The following PIKFYVE variants were observed in gnomAD, a reference collection of about 807,000 sequenced individuals.
PIKFYVE encodes 1-phosphatidylinositol 3-phosphate 5-kinase.
PIKFYVE carries 122 observed loss-of-function variants against 257.9 expected under a neutral mutation model. That is an observed-to-expected ratio of 0.47 (90% CI 0.41 to 0.55). The LOEUF (loss-of-function observed/expected upper bound fraction) is 0.55, where lower values mean the gene tolerates loss of function less well. Among genes scored for constraint, PIKFYVE ranks in the 20% least tolerant of loss-of-function variants. The pLI is 0.00. For synonymous variants in PIKFYVE, 892 were observed against 868.9 expected (o/e 1.03, Z -0.47); for missense variants, 2,160 against 2,536.6 (o/e 0.85, Z 3.19).
intron 32 of PIKFYVE, among the ~76,000 whole-genome samples, chr2:208,344,030 G>A (rs1354902607): frequency 6.6e-6 from 1 of 151,766 alleles, no homozygotes; most frequent in East Asian, 1.9e-4. Context: ...ATGTTGGCCG[G>A]GATGGTCTCC....
At chr2:208,301,151 A>G in intron 9 of PIKFYVE, 57 bp downstream of exon 9, 1 of 1,587,622 alleles carries the variant, frequency 6.3e-7, no homozygotes. Flanking sequence ...GAGAAAACAT[A>G]TTTGAAGATA....
chr2:208,285,891 C>A lies in PIKFYVE; in HGVS notation c.779C>A (p.Ala260Asp), dbSNP rs371111602. 6.2e-7 allele frequency: 1 copy of A among 1,614,084 alleles called. No homozygotes were observed. Among genetic ancestry groups the A allele is most frequent in the Non-Finnish European group, 8.5e-7 (1 of 1,180,026 alleles). ...EPRTPVGSRK[A>D]SRNIFLEDDL... Reference sequence around the variant, plus strand: ...CGAACACCTGTTGGGAGTAGGAAAGCCAGCCGTAACATATTTTTAGAGGAT... The same window carrying A: ...CGAACACCTGTTGGGAGTAGGAAAGACAGCCGTAACATATTTTTAGAGGAT... Residue 260 changes from alanine to aspartate, a missense_variant, in exon 6 of 42, where the codon GCC becomes GAC. Around this residue, in one of 12 missense-constraint regions of PIKFYVE, gnomAD observed 187 missense variants for 185.6 expected, o/e 1.01. Coordinates refer to ENST00000264380, the MANE Select transcript of PIKFYVE (RefSeq NM_015040.4).
rs1195490193 is a variant in PIKFYVE, at chr2:208,350,860, G to A, written c.5524G>A (p.Glu1842Lys). Reference sequence around the variant, plus strand: ...GCGTGAAGTGATTCTGGACAGCAGTGAAGAAGATTTCATTCGTTCCCTCTC... The same window carrying A: ...GCGTGAAGTGATTCTGGACAGCAGTAAAGAAGATTTCATTCGTTCCCTCTC... ...KMREVILDSS[E>K]EDFIRSLSHS... is the part of the protein sequence containing the mutation. Residue 1842 changes from glutamate (E) to lysine (K), a missense_variant, in exon 37 of 42, where the codon GAA (glutamate) becomes AAA (lysine). By Grantham distance (56) the Glu-to-Lys change is moderately conservative. Transcript: ENST00000264380. The A allele has an allele frequency of 6.2e-7, 1 of 1,614,046 alleles. No individual in the cohort carries two copies. The highest frequency in any genetic ancestry group is 1.3e-5 in the African/African-American group (1 of 74,924).
In PIKFYVE at chr2:208,285,886, G is replaced by A. The variant is rs1574453886; in HGVS notation, c.774G>A (p.Arg258=). ...AACCCCGAACACCTGTTGGGAGTAG[G>A]AAAGCCAGCCGTAACATATTTTTAG... ...PSEPRTPVGS[R]KASRNIFLED... is the part of the protein sequence containing the mutation. The change falls in exon 6 of 42, where the codon AGG becomes AGA. Residue 258 remains arginine (R), a synonymous_variant. Transcript: ENST00000264380. 1 of 1,614,108 alleles carries A rather than the reference G, an allele frequency of 6.2e-7. No individual in the cohort carries two copies. The highest frequency in any genetic ancestry group is 1.1e-5 in the South Asian group (1 of 91,088).
In PIKFYVE at chr2:208,355,438, T is replaced by C; in HGVS notation, c.*133T>C. 1.4e-6 allele frequency: 1 copy of C among 697,488 alleles called. No individual in the cohort carries two copies. Among genetic ancestry groups the C allele is most frequent in the Non-Finnish European group, 2.4e-6 (1 of 408,556 alleles). The allele number at this position is 697,488 out of a possible 1,614,324, so 43.2% of individuals were successfully genotyped here. A position where few individuals can be genotyped will look rare whatever the true frequency, so the allele number is the denominator to read the frequency against. On this transcript the variant is annotated 3_prime_UTR_variant, in exon 42 of 42. Coordinates refer to ENST00000264380, the MANE Select transcript of PIKFYVE (RefSeq NM_015040.4). Reference sequence around the variant, plus strand: ...CAAGGCTTTTCAGTTCTGTGGCTGTTTAGACTGTCCGTAATGGAATGGTAA... The same window carrying C: ...CAAGGCTTTTCAGTTCTGTGGCTGTCTAGACTGTCCGTAATGGAATGGTAA...
chr2:208,305,059 T>A, intron 12 of PIKFYVE, 46 bp downstream of exon 12: 2 of 1,611,918 alleles, frequency 1.2e-6, no homozygotes, highest in Non-Finnish European at 1.7e-6. Flanking sequence ...GCTGGACAGC[T>A]GGGCCATAGG....
At chr2:208,339,915 T>C in intron 30 of PIKFYVE, 96 bp from the exon 31 acceptor site, 2 of 1,356,212 alleles carry the variant, frequency 1.5e-6, no homozygotes, top group East Asian at 2.5e-5. Context: ...AGTATACATA[T>C]GTCCATATTC....
intron 12 of PIKFYVE, among the ~76,000 whole-genome samples, chr2:208,308,709 G>GT (rs34169884): frequency 0.69 from 96,891 of 140,420 alleles, 35,564 homozygotes; most frequent in East Asian, 0.91. Context: ...CTAGTAGTTG[G>GT]TTTTTTTTTT....
At chr2:208,307,421 G>A (rs1376918304) in intron 12 of PIKFYVE, among the ~76,000 whole-genome samples, 1 of 152,134 alleles carries the variant, frequency 6.6e-6, no homozygotes, top group African/African-American at 2.4e-5. Context: ...GAGAATTAAT[G>A]GTTTTTTAAA....
chr2:208,271,639 C>T lies in PIKFYVE; in HGVS notation c.120C>T (p.Pro40=). 6.2e-7 allele frequency: 1 copy of T among 1,613,936 alleles called. No individual in the cohort carries two copies. The highest frequency in any genetic ancestry group is 8.5e-7 in the Non-Finnish European group (1 of 1,179,904). Residue 40 remains proline (P), a synonymous_variant, in exon 2 of 42, where the codon CCC becomes CCT. Coordinates refer to ENST00000264380, the MANE Select transcript of PIKFYVE (RefSeq NM_015040.4). Reference sequence around the variant, plus strand: ...CTTTGACTCCTGATCAAGATGAGCCCCCTTTTAAATCAGCTTATAGTTCTT... The same window carrying T: ...CTTTGACTCCTGATCAAGATGAGCCTCCTTTTAAATCAGCTTATAGTTCTT... ...FKPLTPDQDE[P]PFKSAYSSFV...
At chr2:208,274,516 A>T (rs536767275) in intron 3 of PIKFYVE, among the ~76,000 whole-genome samples, 1 of 152,260 alleles carries the variant, frequency 6.6e-6, no homozygotes, top group East Asian at 1.9e-4. Flanking sequence ...CTTCCCCCAG[A>T]TAGTGGTGGT....
At chr2:208,353,567 T>C (rs1398231741) in intron 39 of PIKFYVE, among the ~76,000 whole-genome samples, 1 of 152,180 alleles carries the variant, frequency 6.6e-6, no homozygotes, top group Non-Finnish European at 1.5e-5. Flanking sequence ...AACACTGTTT[T>C]GTGATCCAAT....
chr2:208,336,256 G>T, intron 27 of PIKFYVE, 56 bp downstream of exon 27: 1 of 1,604,202 alleles, frequency 6.2e-7, no homozygotes, highest in Non-Finnish European at 8.5e-7. Context: ...GTTCTAATGT[G>T]ATATCTTAAA....
At chr2:208,317,448 T>C (rs1046467548) in intron 15 of PIKFYVE, among the ~76,000 whole-genome samples, 1 of 151,384 alleles carries the variant, frequency 6.6e-6, no homozygotes, top group African/African-American at 2.4e-5. Context: ...TTTAAGCTCA[T>C]CAGCTGTTAT....
intron 34 of PIKFYVE, among the ~76,000 whole-genome samples, chr2:208,347,564 T>C (rs968341732): frequency 6.6e-6 from 1 of 152,212 alleles, no homozygotes; most frequent in Non-Finnish European, 1.5e-5. Context: ...TTGAAAGGCT[T>C]TCTAGATAAT....
Position 208,304,323 on chromosome 2 carries a change from G to A in PIKFYVE, c.1468+5G>A. On this transcript the variant is annotated splice_donor_5th_base_variant and intron_variant, in intron 11 of 41. Transcript: ENST00000264380. The stretch of plus-strand genomic sequence containing the variant: ...AAGGTGACGATAATTTGGCTAGTGA[G>A]TTTAACTTTCTAACATTTTAGTTTT... 6.2e-7 allele frequency: 1 copy of A among 1,613,728 alleles called. No homozygotes were observed.
chr2:208,322,941 C>T (rs1344864556), intron 17 of PIKFYVE, among the ~76,000 whole-genome samples: 6 of 143,918 alleles, frequency 4.2e-5, no homozygotes, highest in Admixed American at 1.4e-4. Flanking sequence ...TGAGAACATG[C>T]GGTGTTTGGT....
At chr2:208,346,571 T>G (rs1361608835) in intron 34 of PIKFYVE, among the ~76,000 whole-genome samples, 1 of 152,228 alleles carries the variant, frequency 6.6e-6, no homozygotes, top group Non-Finnish European at 1.5e-5. Context: ...GACATATCCT[T>G]ATTTTTCAAG....
rs376015199 is a variant in PIKFYVE, at chr2:208,336,224, C to T, written c.4520+24C>T. ...AGGTGTGATTTTGCAGTCTGGTTTT[C>T]TTTAATATTATTGCCACATTTGTTC... On this transcript the variant is annotated intron_variant, in intron 27 of 41. Coordinates refer to ENST00000264380, the MANE Select transcript of PIKFYVE (RefSeq NM_015040.4). 160 of 1,613,290 alleles carry T rather than the reference C, an allele frequency of 9.9e-5. No individual in the cohort carries two copies. In the African/African-American group the frequency reaches 2.0e-3, roughly 20 times the overall value.
Sources: allele counts gnomAD v4.1 joint callset (sites outside exome capture counted in the v4.1 genomes callset), GRCh38; gene constraint gnomAD v4.1.1; regional missense constraint gnomAD v4.1.1; transcripts MANE v1.5; gene names NCBI Gene and HGNC (gene_info 2026-07-23, HGNC 2026-07-21).